Variants in TAB2 observed in about 807,000 individuals in gnomAD.
TAB2 encodes the protein TGF-beta activated kinase 1 (MAP3K7) binding protein 2.
TAB2 carries 3 observed loss-of-function variants against 65.0 expected under a neutral mutation model. The ratio of observed to expected loss-of-function variants is 0.05; its 90% confidence interval spans 0.02 to 0.12. The LOEUF (loss-of-function observed/expected upper bound fraction) is 0.12, where lower values mean the gene tolerates loss of function less well. Among genes scored for constraint, TAB2 ranks in the 10% least tolerant of loss-of-function variants. TAB2 has a pLI of 1.00. For missense variants in TAB2, 623 were observed against 840.3 expected, an observed-to-expected ratio of 0.74 and a Z score of 3.20; for synonymous variants, 298 against 285.1, an observed-to-expected ratio of 1.05 and a Z score of -0.46.
At chr6:149,259,772 A>G (rs138274582) in intron 1 of TAB2, among the ~76,000 whole-genome samples, 42 of 152,342 alleles carry the variant, frequency 2.8e-4, no homozygotes, top group Non-Finnish European at 5.0e-4. Context: ...CATTTTACAG[A>G]TGAGGAATAA....
intron 1 of TAB2, among the ~76,000 whole-genome samples, chr6:149,239,839 C>T (rs557808414): frequency 6.0e-4 from 91 of 152,256 alleles, no homozygotes; most frequent in South Asian, 2.1e-4. Context: ...ATTCTGTCTT[C>T]GCAGAGATGA....
chr6:149,369,162 T>G (rs1162288614), intron 1 of TAB2, among the ~76,000 whole-genome samples: 1 of 152,172 alleles, frequency 6.6e-6, no homozygotes, highest in African/African-American at 2.4e-5. Flanking sequence ...TATCTCCTAT[T>G]TATATCCCCA....
intron 1 of TAB2, among the ~76,000 whole-genome samples, chr6:149,278,812 C>T (rs1482240881): frequency 6.6e-6 from 1 of 152,074 alleles, no homozygotes; most frequent in Non-Finnish European, 1.5e-5. Context: ...GGACCAGTGG[C>T]TCATGCCTGC....
chr6:149,396,970 C>T (rs990614536), intron 3 of TAB2, among the ~76,000 whole-genome samples: 4 of 151,980 alleles, frequency 2.6e-5, no homozygotes, highest in African/African-American at 7.3e-5. Context: ...TTGTCCTTTC[C>T]GAGGGTAGAT....
At chr6:149,222,909 T>G (rs573807292) in intron 1 of TAB2, among the ~76,000 whole-genome samples, 126 of 152,306 alleles carry the variant, frequency 8.3e-4, no homozygotes, top group Non-Finnish European at 1.6e-3. Flanking sequence ...ATATCACATC[T>G]GTTAGGAATT....
At chr6:149,242,543 A>G (rs573014284) in intron 1 of TAB2, among the ~76,000 whole-genome samples, 3 of 152,340 alleles carry the variant, frequency 2.0e-5, no homozygotes, top group Admixed American at 2.0e-4. Context: ...CTGTCCCACA[A>G]TACCCCAAAA....
chr6:149,386,408 A>G (rs1781811179), intron 3 of TAB2, among the ~76,000 whole-genome samples: 1 of 152,068 alleles, frequency 6.6e-6, no homozygotes, highest in Admixed American at 6.6e-5. Flanking sequence ...CATCTCCTCT[A>G]CAGGAAACCT....
chr6:149,345,489 A>C (rs538321324), intron 1 of TAB2, among the ~76,000 whole-genome samples: 4 of 152,212 alleles, frequency 2.6e-5, no homozygotes, highest in East Asian at 3.9e-4. Flanking sequence ...CTCTATCTAC[A>C]TATCAGAATA....
intron 1 of TAB2, among the ~76,000 whole-genome samples, chr6:149,305,616 AAC>A (rs141024297): frequency 0.015 from 2,293 of 152,262 alleles, 52 homozygotes; most frequent in African/African-American, 0.052. Context: ...AAAACAATAG[AAC>A]ACAAAGTTCT....
chr6:149,393,780 AT>A (rs1283508652), intron 3 of TAB2, among the ~76,000 whole-genome samples: 3 of 151,864 alleles, frequency 2.0e-5, no homozygotes, highest in African/African-American at 4.8e-5. Context: ...GCATACTAGC[AT>A]TTTTTCCTTT....
intron 1 of TAB2, among the ~76,000 whole-genome samples, chr6:149,359,864 A>G (rs986259077): frequency 1.4e-4 from 21 of 152,214 alleles, no homozygotes; most frequent in African/African-American, 4.8e-4. Context: ...GAACTAGCTC[A>G]GTACACTATC....
chr6:149,401,979 G>C (rs1378175643), intron 6 of TAB2, among the ~76,000 whole-genome samples: 2 of 145,886 alleles, frequency 1.4e-5, no homozygotes, highest in Non-Finnish European at 3.0e-5. Flanking sequence ...GAAGTTTCTA[G>C]AGATAAACAA....
intron 1 of TAB2, among the ~76,000 whole-genome samples, chr6:149,275,609 T>C (rs1778457397): frequency 6.6e-6 from 1 of 152,070 alleles, no homozygotes; most frequent in South Asian, 2.1e-4. Flanking sequence ...CAGAGGGAGT[T>C]TTTTCAACAC....
chr6:149,377,256 A>G (rs974968412), intron 2 of TAB2, among the ~76,000 whole-genome samples: 14 of 151,366 alleles, frequency 9.2e-5, no homozygotes, highest in Non-Finnish European at 1.9e-4. Flanking sequence ...TATTTTTAGT[A>G]GAGACGGGAT....
chr6:149,330,971 A>G (rs971494032), intron 1 of TAB2, among the ~76,000 whole-genome samples: 2 of 152,122 alleles, frequency 1.3e-5, no homozygotes, highest in African/African-American at 4.8e-5. Flanking sequence ...GTTCTGTTCC[A>G]TTGATCTTTG....
chr6:149,364,017 C>T (rs1216649317), intron 1 of TAB2, among the ~76,000 whole-genome samples: 1 of 152,122 alleles, frequency 6.6e-6, no homozygotes, highest in Non-Finnish European at 1.5e-5. Context: ...TCTAATTCAT[C>T]ACCAAATTTC....
intron 1 of TAB2, among the ~76,000 whole-genome samples, chr6:149,351,196 A>T (rs1209863485): frequency 6.6e-6 from 1 of 152,172 alleles, no homozygotes; most frequent in Non-Finnish European, 1.5e-5. Context: ...CACTTTGCAC[A>T]ACCTAGTACT....
At position 149,397,692 on chromosome 6, in the gene TAB2, G is replaced by A; in HGVS notation, c.1692G>A (p.Glu564=). 4 of 1,614,014 alleles carry A rather than the reference G, an allele frequency of 2.5e-6. No individual in the cohort carries two copies. The highest frequency in any genetic ancestry group is 1.7e-6 in the Non-Finnish European group (2 of 1,179,990). ...QKKKLDKLKS[E]VNEMENNLTR... The stretch of plus-strand genomic sequence containing the variant: ...AAAAGCTGGATAAATTAAAATCTGA[G>A]GTTAATGAAATGGAAAATAATCTAA... Residue 564 remains glutamate (E), a synonymous_variant, in exon 4 of 7, where the codon GAG becomes GAA. Transcript: ENST00000637181.
chr6:149,295,348 C>CGTTTT (rs917519534), intron 1 of TAB2, among the ~76,000 whole-genome samples: 8 of 151,928 alleles, frequency 5.3e-5, no homozygotes, highest in Admixed American at 2.6e-4. Flanking sequence ...TTTGGTTTTT[C>CGTTTT]GTTTTGTTTT....
Sources: allele counts gnomAD v4.1 joint callset (sites outside exome capture counted in the v4.1 genomes callset), GRCh38; gene constraint gnomAD v4.1.1; transcripts MANE v1.5; gene names NCBI Gene and HGNC (gene_info 2026-07-23, HGNC 2026-07-21).